COQ3: variants seen among roughly 807,000 people sequenced by gnomAD.
COQ3 encodes the protein ubiquinone biosynthesis O-methyltransferase, mitochondrial.
In COQ3, 29 loss-of-function variants were observed where a neutral mutation model predicts 33.1. That is an observed-to-expected ratio of 0.88 (90% CI 0.65 to 1.19). The LOEUF (loss-of-function observed/expected upper bound fraction) is 1.19, where lower values mean the gene tolerates loss of function less well. Among genes scored for constraint, COQ3 ranks in the 50% most tolerant of loss-of-function variants. The pLI, the probability that COQ3 is intolerant of heterozygous loss-of-function variation, is 0.00. For synonymous variants in COQ3, 173 were observed against 157.8 expected (o/e 1.10, Z -0.72); for missense variants, 437 against 430.7 (o/e 1.01, Z -0.13).
chr6:99,373,060 T>G (rs1774186879), intron 5 of COQ3, among the ~76,000 whole-genome samples: 1 of 152,226 alleles, frequency 6.6e-6, no homozygotes, highest in African/African-American at 2.4e-5. Flanking sequence ...TCTGTAAAGC[T>G]CTAGTATTCT....
chr6:99,388,506 C>CG, intron 1 of COQ3, among the ~76,000 whole-genome samples: 1 of 149,686 alleles, frequency 6.7e-6, no homozygotes, highest in Admixed American at 6.7e-5. Flanking sequence ...TCTCAATAGC[C>CG]TTTTTTTTTT....
chr6:99,382,359 T>C (rs1774497613), intron 2 of COQ3, among the ~76,000 whole-genome samples: 1 of 152,188 alleles, frequency 6.6e-6, no homozygotes, highest in Admixed American at 6.5e-5. Flanking sequence ...ATAGTAAGGA[T>C]GTTAACTTAG....
chr6:99,381,105 T>G (rs992535403), intron 2 of COQ3, among the ~76,000 whole-genome samples: 7 of 152,216 alleles, frequency 4.6e-5, no homozygotes, highest in African/African-American at 1.7e-4. Flanking sequence ...GAGCTGGGAT[T>G]TGAGCACAGG....
chr6:99,392,629 CTTT>C (rs398002413), intron 1 of COQ3, among the ~76,000 whole-genome samples: 2 of 143,272 alleles, frequency 1.4e-5, no homozygotes. Context: ...TCTCCAACTG[CTTT>C]TTTTTTTTTT....
intron 1 of COQ3, among the ~76,000 whole-genome samples, chr6:99,387,231 T>C (rs1774676527): frequency 6.6e-6 from 1 of 152,116 alleles, no homozygotes; most frequent in Admixed American, 6.5e-5. Flanking sequence ...TCAAGATTGT[T>C]TGAGCCCAGG....
At chr6:99,391,579 G>C (rs1167393978) in intron 1 of COQ3, among the ~76,000 whole-genome samples, 2 of 116,656 alleles carry the variant, frequency 1.7e-5, no homozygotes, top group Non-Finnish European at 3.5e-5. Context: ...ATGAAACTAA[G>C]CCTTAGAAAT....
chr6:99,381,833 C>T (rs140621861), intron 2 of COQ3, among the ~76,000 whole-genome samples: 4 of 149,948 alleles, frequency 2.7e-5, no homozygotes, highest in Non-Finnish European at 5.9e-5. Context: ...GGCTGAGGCA[C>T]GAGAATTGCT....
chr6:99,393,840 G>C (rs956669055), intron 1 of COQ3, among the ~76,000 whole-genome samples: 1 of 152,210 alleles, frequency 6.6e-6, no homozygotes, highest in African/African-American at 2.4e-5. Flanking sequence ...AGAGACCCGC[G>C]GCCTGCGCTT....
chr6:99,371,903 C>A (rs994959465), intron 5 of COQ3, among the ~76,000 whole-genome samples: 2 of 152,122 alleles, frequency 1.3e-5, no homozygotes, highest in Admixed American at 1.3e-4. Context: ...TGAGATCAGG[C>A]TGCTCTTCCT....
chr6:99,369,536 G>A lies in COQ3; in HGVS notation c.*64C>T. On this transcript the variant is annotated 3_prime_UTR_variant, in exon 7 of 7. Transcript: ENST00000254759. ...ATGATTCTCTCTCAAAGGATAAATTGTACATTTTTGTATTTGAAAACATCA... is the reference window on the plus strand; with the variant it reads ...ATGATTCTCTCTCAAAGGATAAATTATACATTTTTGTATTTGAAAACATCA... 9.1e-7 allele frequency: 1 copy of A among 1,097,808 alleles called. No homozygotes were observed. The highest frequency in any genetic ancestry group is 1.3e-6 in the Non-Finnish European group (1 of 779,034). The allele number at this position is 1,097,808 out of a possible 1,614,324, so 68.0% of individuals were successfully genotyped here. A position where few individuals can be genotyped will look rare whatever the true frequency, so the allele number is the denominator to read the frequency against.
intron 6 of COQ3, among the ~76,000 whole-genome samples, chr6:99,371,192 T>C (rs926808821): frequency 2.6e-5 from 4 of 152,172 alleles, no homozygotes; most frequent in Admixed American, 6.5e-5. Flanking sequence ...AAAGTATTCA[T>C]TGATCATCTG....
At chr6:99,380,368 C>A in intron 2 of COQ3, 27 bp from the exon 3 acceptor site, 1 of 1,609,302 alleles carries the variant, frequency 6.2e-7, no homozygotes, top group Non-Finnish European at 8.5e-7. Context: ...AAGAACCAAG[C>A]AAATACTGCT....
intron 5 of COQ3, among the ~76,000 whole-genome samples, chr6:99,375,263 C>CA (rs1472288234): frequency 2.0e-5 from 3 of 152,066 alleles, no homozygotes; most frequent in Non-Finnish European, 4.4e-5. Flanking sequence ...CCACTGTGCC[C>CA]AGCCTCAAAT....
intron 1 of COQ3, among the ~76,000 whole-genome samples, chr6:99,388,800 A>T (rs910615615): frequency 6.6e-6 from 1 of 151,976 alleles, no homozygotes; most frequent in Admixed American, 6.6e-5. Context: ...GTGAGCCAAG[A>T]TCGCACCATT....
At chr6:99,379,222 T>C (rs1473307861) in intron 3 of COQ3, among the ~76,000 whole-genome samples, 1 of 152,120 alleles carries the variant, frequency 6.6e-6, no homozygotes, top group Non-Finnish European at 1.5e-5. Context: ...AGAAATACGT[T>C]TTAAGAAACA....
At position 99,383,777 on chromosome 6, in the gene COQ3, C is replaced by A; in HGVS notation, c.154G>T (p.Val52Phe). The stretch of plus-strand genomic sequence containing the variant: ...CATATGGTTCTGTATTCATTGAAAA[C>A]CCCTGGTTTAATCTGTAGAGTCCCA... Reference protein sequence around the residue: ...LSGTLQIKPGVFNEYRTIWFK... With the variant: ...LSGTLQIKPGFFNEYRTIWFK... The change falls in exon 2 of 7, where the codon GTT becomes TTT. Residue 52 changes from valine to phenylalanine, a missense_variant. By Grantham distance (50) the Val-to-Phe change is conservative (BLOSUM62 -1). Coordinates refer to ENST00000254759, the MANE Select transcript of COQ3 (RefSeq NM_017421.4). 1 of 1,599,770 alleles carries A rather than the reference C, an allele frequency of 6.3e-7. No homozygotes were observed. The highest frequency in any genetic ancestry group is 1.1e-5 in the South Asian group (1 of 87,680).
At chr6:99,370,766 C>T (rs1472768876) in intron 6 of COQ3, among the ~76,000 whole-genome samples, 1 of 151,666 alleles carries the variant, frequency 6.6e-6, no homozygotes, top group Non-Finnish European at 1.5e-5. Context: ...AAAAAAAAAG[C>T]ATTAGAAATA....
At position 99,377,493 on chromosome 6, in the gene COQ3, A is replaced by T. The variant is rs1279061786; in HGVS notation, c.387-8T>A. 1.9e-6 allele frequency: 3 copies of T among 1,581,840 alleles called. No homozygotes were observed. The African/African-American group carries it at 4.1e-5, about 21-fold the overall frequency. ...GTTTTCAGAAGATTGTCCCTTTTTT[A>T]AAAAATTCAAAACATACCAAAACAA... On this transcript the variant is annotated splice_region_variant and splice_polypyrimidine_tract_variant and intron_variant, in intron 3 of 6. Transcript: ENST00000254759.
chr6:99,371,396 G>A, intron 6 of COQ3, 32 bp downstream of exon 6: 1 of 1,520,772 alleles, frequency 6.6e-7, no homozygotes, highest in East Asian at 2.3e-5. Flanking sequence ...AGCTAGGCCT[G>A]GAAAATTGGA....
Sources: gnomAD v4.1 joint callset for allele counts (sites outside exome capture counted in the v4.1 genomes callset) on GRCh38, gnomAD v4.1.1 for gene constraint, MANE v1.5 for transcripts, NCBI Gene and HGNC (gene_info 2026-07-23, HGNC 2026-07-21) for gene names.